OTUD6B: variants seen among roughly 807,000 people sequenced by gnomAD.
OTUD6B encodes the protein OTU deubiquitinase 6B.
A neutral mutation model predicts 36.9 loss-of-function variants in OTUD6B; 41 were observed. That is an observed-to-expected ratio of 1.11 (90% CI 0.87 to 1.44). OTUD6B has a LOEUF of 1.44. Among genes scored for constraint, OTUD6B ranks in the 40% most tolerant of loss-of-function variants. The probability of loss-of-function intolerance (pLI) is 0.00; values close to 1 mark genes in which losing one functional copy is unlikely to be tolerated. For missense variants in OTUD6B, 356 were observed against 344.8 expected (o/e 1.03, Z -0.26); for synonymous variants, 114 against 114.2 (o/e 1.00, Z 0.01).
rs1328365916 is a variant in OTUD6B at position 91,083,974 on chromosome 8, A to G, written c.691-34A>G. The G allele has an allele frequency of 5.8e-6, 9 of 1,541,328 alleles. No homozygotes were observed. The Admixed American group carries it at 6.3e-5, about 11-fold the overall frequency. On this transcript the variant is annotated intron_variant, in intron 5 of 6. Coordinates refer to ENST00000404789, the MANE Select transcript of OTUD6B (RefSeq NM_016023.5). ...ATATTTGAATGTGATTTACATTTTT[A>G]TTTTCCTTACTGATACTTTTTTTCT...
chr8:91,081,736 T>C (rs1158818814), intron 5 of OTUD6B, among the ~76,000 whole-genome samples: 1 of 152,158 alleles, frequency 6.6e-6, no homozygotes. Flanking sequence ...ATAATTCACT[T>C]TAAGAACTGC....
chr8:91,078,812 C>A (rs927095575), intron 4 of OTUD6B, 144 bp downstream of exon 4: 24 of 491,710 alleles, frequency 4.9e-5, no homozygotes, highest in Middle Eastern at 4.9e-4. Context: ...GAATTATTTT[C>A]TGTAATTTTA....
chr8:91,082,467 A>G (rs909191050), intron 5 of OTUD6B, among the ~76,000 whole-genome samples: 2 of 151,686 alleles, frequency 1.3e-5, no homozygotes, highest in African/African-American at 4.8e-5. Flanking sequence ...TACAGTCTCA[A>G]TCTTCTAGGC....
Position 91,076,777 on chromosome 8 carries a change from A to G in OTUD6B, c.316-1579A>G, listed in dbSNP as rs1051187094. On this transcript the variant is annotated intron_variant, in intron 3 of 6. Coordinates refer to ENST00000404789, the MANE Select transcript of OTUD6B (RefSeq NM_016023.5). Reference sequence around the variant, plus strand: ...CTCTGAAACTTTTTTAGTCTTTTATAAAGTAATAGTGCCATCTTGTGTTTT... The same window carrying G: ...CTCTGAAACTTTTTTAGTCTTTTATGAAGTAATAGTGCCATCTTGTGTTTT... 5 of 719,376 alleles carry G rather than the reference A, an allele frequency of 7.0e-6. No individual in the cohort carries two copies. The African/African-American group carries it at 8.7e-5, about 13-fold the overall frequency. The allele number at this position is 719,376 out of a possible 1,614,324, so 44.6% of individuals were successfully genotyped here. A position where few individuals can be genotyped will look rare whatever the true frequency, so the allele number is the denominator to read the frequency against.
intron 4 of OTUD6B, among the ~76,000 whole-genome samples, chr8:91,079,507 A>C (rs930021304): frequency 2.6e-4 from 39 of 152,212 alleles, no homozygotes; most frequent in African/African-American, 9.4e-4. Context: ...CTGTTGATAG[A>C]TTTCAAGAAT....
intron 4 of OTUD6B, chr8:91,080,428 C>A: frequency 2.8e-6 from 1 of 351,426 alleles, no homozygotes; most frequent in Non-Finnish European, 4.0e-6. Flanking sequence ...GTATCTGGGC[C>A]TCCAACAGAA....
chr8:91,084,249 G>A (rs1357499062), intron 6 of OTUD6B, 135 bp downstream of exon 6: 8 of 602,114 alleles, frequency 1.3e-5, no homozygotes, highest in East Asian at 1.2e-4. Flanking sequence ...ATTTTTGTGT[G>A]TGAGTTTAGA....
In OTUD6B at chr8:91,080,544, T is replaced by C. The variant is rs934523987; in HGVS notation, c.629-125T>C. 34 of 1,455,772 alleles carry C rather than the reference T, an allele frequency of 2.3e-5. No individual in the cohort carries two copies. In the East Asian group the frequency reaches 4.5e-4, roughly 19 times the overall value. 90.2% of individuals were successfully genotyped at this position (1,455,772 alleles called of 1,614,324 possible). A position where few individuals can be genotyped will look rare whatever the true frequency, so the allele number is the denominator to read the frequency against. ...AGTTAGATTAGATTCTGGAGGATAA[T>C]GGTAGAGAAGGAGAATGTTCATAAC... On this transcript the variant is annotated intron_variant, in intron 4 of 6. Transcript: ENST00000404789.
intron 5 of OTUD6B, among the ~76,000 whole-genome samples, 189 bp downstream of exon 5, chr8:91,080,919 T>C (rs1812893179): frequency 6.6e-6 from 1 of 152,170 alleles, no homozygotes; most frequent in Non-Finnish European, 1.5e-5. Flanking sequence ...AAAGTATGTA[T>C]GTTGAGGGAT....
intron 4 of OTUD6B, among the ~76,000 whole-genome samples, chr8:91,080,310 T>C (rs975703539): frequency 2.6e-5 from 4 of 152,104 alleles, no homozygotes; most frequent in African/African-American, 7.2e-5. Flanking sequence ...TGGTATTCCT[T>C]TGGATGCAGG....
At chr8:91,075,135 CTT>C (rs968442477) in intron 3 of OTUD6B, among the ~76,000 whole-genome samples, 1 of 151,910 alleles carries the variant, frequency 6.6e-6, no homozygotes. Flanking sequence ...AAAGCAATGT[CTT>C]TTTTTGTTTG....
intron 3 of OTUD6B, among the ~76,000 whole-genome samples, chr8:91,077,076 TTTCCTA>T (rs1181646173): frequency 2.0e-5 from 3 of 152,096 alleles, no homozygotes; most frequent in Admixed American, 2.0e-4. Flanking sequence ...GTCTTTACCT[TTTCCTA>T]TTCTTGGCTT....
At chr8:91,084,745 T>G in intron 6 of OTUD6B, 39 bp from the exon 7 acceptor site, 3 of 1,398,478 alleles carry the variant, frequency 2.1e-6, no homozygotes, top group Non-Finnish European at 2.9e-6. Flanking sequence ...AAAATTGCTT[T>G]CATCAAAACT....
At chr8:91,079,681 A>G (rs1396143399) in intron 4 of OTUD6B, among the ~76,000 whole-genome samples, 1 of 151,704 alleles carries the variant, frequency 6.6e-6, no homozygotes, top group East Asian at 1.9e-4. Context: ...ATATATGCAT[A>G]GGCAATGTGA....
At chr8:91,071,071 T>C (rs1053670649) in intron 1 of OTUD6B, 67 bp from the exon 2 acceptor site, 56 of 1,587,468 alleles carry the variant, frequency 3.5e-5, no homozygotes, top group Non-Finnish European at 4.5e-5. Flanking sequence ...CATCCCCTTA[T>C]TGGTTCCTGT....
At position 91,078,384 on chromosome 8, in the gene OTUD6B, GAGA is replaced by G; in HGVS notation, c.349_351del (p.Glu117del). 6.3e-7 allele frequency: 1 copy of G among 1,587,184 alleles called. No individual in the cohort carries two copies. Among genetic ancestry groups the G allele is most frequent in the Non-Finnish European group, 8.6e-7 (1 of 1,165,700 alleles). On this transcript the variant is annotated inframe_deletion, in exon 4 of 7. Coordinates refer to ENST00000404789, the MANE Select transcript of OTUD6B (RefSeq NM_016023.5). ...AAGAAAGCTGCATTGGAAAAGGAGC[GAGA>G]AGAACGGATAGCTGAAGCTGAAATT...
chr8:91,085,081 G>T lies in OTUD6B; in HGVS notation c.*213G>T, dbSNP rs550040596. 26 of 293,402 alleles carry T rather than the reference G, an allele frequency of 8.9e-5. No homozygotes were observed. Among genetic ancestry groups the T allele is most frequent in the Non-Finnish European group, 1.5e-4 (24 of 157,914 alleles). 18.2% of individuals were successfully genotyped at this position (293,402 alleles called of 1,614,324 possible). On this transcript the variant is annotated 3_prime_UTR_variant, in exon 7 of 7. Coordinates refer to ENST00000404789, the MANE Select transcript of OTUD6B (RefSeq NM_016023.5). ...ATTTTAAAAATTTGTTAAGTTCATT[G>T]TAGAGAACACCATTCATAGACCAAG...
chr8:91,083,875 C>A, intron 5 of OTUD6B, 133 bp from the exon 6 acceptor site: 1 of 921,098 alleles, frequency 1.1e-6, no homozygotes, highest in Non-Finnish European at 1.5e-6. Flanking sequence ...ATTAAGTGCC[C>A]AGTATATACC....
At chr8:91,076,306 C>T (rs563162024) in intron 3 of OTUD6B, among the ~76,000 whole-genome samples, 39 of 152,038 alleles carry the variant, frequency 2.6e-4, no homozygotes, top group Non-Finnish European at 5.1e-4. Context: ...GCCATTCTAT[C>T]TCCACTACTA....
Sources: allele counts gnomAD v4.1 joint callset (sites outside exome capture counted in the v4.1 genomes callset), GRCh38; gene constraint gnomAD v4.1.1; transcripts MANE v1.5; gene names NCBI Gene and HGNC (gene_info 2026-07-23, HGNC 2026-07-21).